The following DISC1 variants were observed in gnomAD, a reference collection of about 807,000 sequenced individuals.
DISC1 encodes the protein DISC1 scaffold protein, also known as disrupted in schizophrenia 1 protein.
DISC1 carries 57 observed loss-of-function variants against 84.5 expected under a neutral mutation model. That is an observed-to-expected ratio of 0.67 (90% CI 0.55 to 0.84). The LOEUF (loss-of-function observed/expected upper bound fraction) is 0.84. Among genes scored for constraint, DISC1 ranks in the 40% least tolerant of loss-of-function variants. DISC1 has a pLI of 0.00. For synonymous variants in DISC1, 411 were observed against 415.2 expected, an observed-to-expected ratio of 0.99 and a Z score of 0.12; for missense variants, 1,000 against 1,057.8, an observed-to-expected ratio of 0.95 and a Z score of 0.76.
At chr1:231,932,614 G>A (rs1274003168) in intron 9 of DISC1, among the ~76,000 whole-genome samples, 1 of 152,122 alleles carries the variant, frequency 6.6e-6, no homozygotes, top group African/African-American at 2.4e-5. Flanking sequence ...AGGGTACTGT[G>A]TTACTCCAGG....
chr1:231,776,003 C>G (rs1226550515), intron 6 of DISC1, among the ~76,000 whole-genome samples: 1 of 152,030 alleles, frequency 6.6e-6, no homozygotes, highest in East Asian at 1.9e-4. Flanking sequence ...TGGATCACAT[C>G]CCTCCATGTG....
At chr1:231,647,218 T>C (rs2060210188) in intron 1 of DISC1, among the ~76,000 whole-genome samples, 1 of 152,240 alleles carries the variant, frequency 6.6e-6, no homozygotes, top group Non-Finnish European at 1.5e-5. Flanking sequence ...AAGTCTTTAA[T>C]TCATCTTGAA....
intron 6 of DISC1, among the ~76,000 whole-genome samples, chr1:231,784,402 G>A (rs1032869599): frequency 7.2e-5 from 11 of 152,212 alleles, no homozygotes; most frequent in Non-Finnish European, 1.3e-4. Context: ...CAGAGAAATA[G>A]GGAGAATGTG....
chr1:231,670,205 A>G (rs2062465784), intron 1 of DISC1, among the ~76,000 whole-genome samples: 1 of 152,160 alleles, frequency 6.6e-6, no homozygotes, highest in South Asian at 2.1e-4. Context: ...ACTAGGGCCT[A>G]TTGAAGAATT....
intron 4 of DISC1, among the ~76,000 whole-genome samples, chr1:231,752,920 C>A (rs1268089330): frequency 1.3e-5 from 2 of 152,254 alleles, no homozygotes; most frequent in African/African-American, 4.8e-5. Context: ...AAAATAATCT[C>A]ATTTTGACTC....
intron 3 of DISC1, among the ~76,000 whole-genome samples, chr1:231,720,632 A>G (rs755826374): frequency 6.6e-6 from 1 of 152,042 alleles, no homozygotes; most frequent in Non-Finnish European, 1.5e-5. Context: ...GAGCTGCTGC[A>G]CTCGGCCTCT....
chr1:231,687,955 C>T (rs2064503914), intron 1 of DISC1, among the ~76,000 whole-genome samples: 2 of 150,082 alleles, frequency 1.3e-5, no homozygotes, highest in African/African-American at 2.5e-5. Context: ...TATGTTACCA[C>T]AATTAAAGAA....
At chr1:231,646,475 G>T (rs1369847392) in intron 1 of DISC1, among the ~76,000 whole-genome samples, 2 of 152,146 alleles carry the variant, frequency 1.3e-5, no homozygotes, top group Non-Finnish European at 2.9e-5. Flanking sequence ...AAGCGTGCAT[G>T]TGTCTTTCTA....
At chr1:231,682,183 G>A (rs982436508) in intron 1 of DISC1, among the ~76,000 whole-genome samples, 3 of 152,134 alleles carry the variant, frequency 2.0e-5, no homozygotes, top group African/African-American at 4.8e-5. Context: ...GAGAGTTTGT[G>A]ACAAAGTTTG....
intron 1 of DISC1, among the ~76,000 whole-genome samples, chr1:231,641,438 C>T (rs1035817831): frequency 2.0e-5 from 3 of 152,044 alleles, no homozygotes; most frequent in Admixed American, 6.5e-5. Flanking sequence ...TTCGTGGTCT[C>T]GTTGGCTTCA....
intron 1 of DISC1, among the ~76,000 whole-genome samples, chr1:231,650,605 G>A (rs935152613): frequency 1.3e-5 from 2 of 152,122 alleles, no homozygotes; most frequent in African/African-American, 2.4e-5. Flanking sequence ...TTGAATGTTG[G>A]CCTGCCTTGC....
At chr1:231,827,807 A>G (rs2081964485) in intron 9 of DISC1, among the ~76,000 whole-genome samples, 1 of 152,176 alleles carries the variant, frequency 6.6e-6, no homozygotes, top group African/African-American at 2.4e-5. Flanking sequence ...GGATCACTGT[A>G]GGGGTGGACA....
In DISC1 at chr1:231,686,467, G is replaced by A. The variant is rs116983994; in HGVS notation, c.68-7359G>A. ...TAGGGCTTGGACCCTCTGAAGCCACGGCCCGAGCTCTATGTTGGCCCCTTT... is the reference window on the plus strand; with the variant it reads ...TAGGGCTTGGACCCTCTGAAGCCACAGCCCGAGCTCTATGTTGGCCCCTTT... On this transcript the variant is annotated intron_variant, in intron 1 of 12. Transcript: ENST00000439617. Among the ~76,000 whole-genome samples, 148 of 152,308 alleles carry A rather than the reference G, an allele frequency of 9.7e-4. No individual in the cohort carries two copies. The East Asian group carries it at 0.02, about 21-fold the overall frequency.
intron 3 of DISC1, chr1:231,723,499 T>G: frequency 1.0e-6 from 1 of 985,550 alleles, no homozygotes; most frequent in Non-Finnish European, 1.2e-6. Flanking sequence ...TTATTCTTTC[T>G]GTGCAGTCCT....
chr1:231,806,912 G>T (rs202129143), intron 8 of DISC1, among the ~76,000 whole-genome samples: 30 of 152,216 alleles, frequency 2.0e-4, no homozygotes, highest in Non-Finnish European at 3.7e-4. Context: ...CGGCTGACTT[G>T]TGCTCTGTGG....
intron 6 of DISC1, among the ~76,000 whole-genome samples, chr1:231,787,024 A>G (rs2077923570): frequency 6.6e-6 from 1 of 152,208 alleles, no homozygotes; most frequent in Non-Finnish European, 1.5e-5. Flanking sequence ...GCAGAGAGCA[A>G]GGAAGGCGTT....
chr1:231,820,544 G>A lies in DISC1; in HGVS notation c.1981+2027G>A, dbSNP rs550364914. Among the ~76,000 whole-genome samples, 8 of 152,258 alleles carry A rather than the reference G, an allele frequency of 5.3e-5. No individual in the cohort carries two copies. In the South Asian group the frequency reaches 1.2e-3, roughly 24 times the overall value. On this transcript the variant is annotated intron_variant, in intron 9 of 12. Transcript: ENST00000439617. ...TCCAACAATAGTTGTGGAATGCAGCGTTCAGGGGAAAAAGGCAACTCATGG... is the reference window on the plus strand; with the variant it reads ...TCCAACAATAGTTGTGGAATGCAGCATTCAGGGGAAAAAGGCAACTCATGG...
Position 231,626,835 on chromosome 1 carries a change from C to T in DISC1, c.-33C>T, listed in dbSNP as rs1207087878. ...CTCGGGGAAGGAGCAGGAGGCAGCC[C>T]AGGCGGAGCGGGAGGAGCTGGCAGC... On this transcript the variant is annotated 5_prime_UTR_variant, in exon 1 of 13. Transcript: ENST00000439617. 1.4e-6 allele frequency: 2 copies of T among 1,423,736 alleles called. No homozygotes were observed. The highest frequency in any genetic ancestry group is 1.5e-5 in the African/African-American group (1 of 65,986). The allele number at this position is 1,423,736 out of a possible 1,614,324, so 88.2% of individuals were successfully genotyped here. A position where few individuals can be genotyped will look rare whatever the true frequency, so the allele number is the denominator to read the frequency against.
chr1:231,847,565 C>G (rs1389166464), intron 9 of DISC1, among the ~76,000 whole-genome samples: 2 of 152,186 alleles, frequency 1.3e-5, no homozygotes, highest in East Asian at 1.9e-4. Context: ...TGCTGTAAGA[C>G]CTCACCGGAC....
Sources: allele counts gnomAD v4.1 joint callset (sites outside exome capture counted in the v4.1 genomes callset), GRCh38; gene constraint gnomAD v4.1.1; transcripts MANE v1.5; gene names NCBI Gene and HGNC (gene_info 2026-07-23, HGNC 2026-07-21).